Variants in PCDHGA2 observed in about 807,000 individuals in gnomAD.
The protein encoded by PCDHGA2 is protocadherin gamma-A2.
In PCDHGA2, 40 loss-of-function variants were observed where a neutral mutation model predicts 59.2. The observed-to-expected ratio is 0.68, with a 90% CI of 0.52 to 0.88. PCDHGA2 has a LOEUF of 0.88. Ranked by LOEUF, PCDHGA2 falls within the 40% of genes least tolerant of loss-of-function variation. The pLI is 0.00. For synonymous variants in PCDHGA2, 560 were observed against 526.0 expected (o/e 1.06, Z -0.89); for missense variants, 1,226 against 1,204.0 (o/e 1.02, Z -0.27).
At chr5:141,377,657 C>T (rs946526132) in intron 1 of PCDHGA2, 5 of 151,160 alleles carry the variant, frequency 3.3e-5, no homozygotes, top group East Asian at 1.9e-4. Flanking sequence ...TAACTATAAA[C>T]GACAGACGTT....
chr5:141,474,685 T>G (rs1562045980), intron 1 of PCDHGA2, among the ~76,000 whole-genome samples: 1 of 152,224 alleles, frequency 6.6e-6, no homozygotes, highest in Non-Finnish European at 1.5e-5. Flanking sequence ...GCCTACCCCT[T>G]CACTTATGTT....
intron 1 of PCDHGA2, among the ~76,000 whole-genome samples, chr5:141,425,919 G>A (rs11167745): frequency 2.0e-5 from 3 of 152,174 alleles, no homozygotes; most frequent in East Asian, 1.9e-4. Flanking sequence ...CAGTCACTAC[G>A]AAAACTCATA....
chr5:141,346,240 C>T, intron 1 of PCDHGA2: 2 of 1,614,204 alleles, frequency 1.2e-6, no homozygotes, highest in Non-Finnish European at 1.7e-6. Flanking sequence ...GCGAGTACGC[C>T]CGGCTCGCAC....
chr5:141,370,336 G>A, intron 1 of PCDHGA2: 1 of 1,441,770 alleles, frequency 6.9e-7, no homozygotes, highest in Non-Finnish European at 9.4e-7. Flanking sequence ...GAGAACTCTT[G>A]GGATTATTTA....
chr5:141,371,107 A>G (rs202073589), intron 1 of PCDHGA2: 391 of 1,613,532 alleles, frequency 2.4e-4, no homozygotes, highest in Non-Finnish European at 3.2e-4. Flanking sequence ...GCAAATGATA[A>G]CCCCCCAGTA....
chr5:141,357,544 CG>C (rs1561515163), intron 1 of PCDHGA2: 1 of 1,614,176 alleles, frequency 6.2e-7, no homozygotes, highest in Non-Finnish European at 8.5e-7. Flanking sequence ...GCTCATCAGC[CG>C]GGAGAGTTGT....
intron 1 of PCDHGA2, among the ~76,000 whole-genome samples, chr5:141,430,341 C>T (rs766664177): frequency 1.4e-4 from 21 of 149,938 alleles, no homozygotes; most frequent in Non-Finnish European, 2.8e-4. Context: ...TAGAAACTTC[C>T]AATTCATTTA....
At chr5:141,402,827 G>C in intron 1 of PCDHGA2, 10 of 1,330,136 alleles carry the variant, frequency 7.5e-6, no homozygotes, top group Non-Finnish European at 9.9e-6. Context: ...CTGCTCCCAG[G>C]CTGCAGCAAA....
rs2099641707 is a variant in PCDHGA2 at position 141,487,238 on chromosome 5, C to T, written c.2425-7569C>T. 1.2e-6 allele frequency: 2 copies of T among 1,614,056 alleles called. No individual in the cohort carries two copies. The highest frequency in any genetic ancestry group is 1.7e-6 in the Non-Finnish European group (2 of 1,180,022). On this transcript the variant is annotated intron_variant, in intron 1 of 3. Transcript: ENST00000394576. This position sits in a 1 kb window ranked among gnomAD's most constrained non-coding sequence, Gnocchi z 5.0. ...AGCTCCAAGGGAAGGAGAATCTCGT[C>T]TAACCCTCTACTTGGCTGTGTCCCT...
intron 1 of PCDHGA2, among the ~76,000 whole-genome samples, chr5:141,381,018 ATTAG>A (rs1442442460): frequency 4.6e-5 from 7 of 152,398 alleles, no homozygotes; most frequent in Admixed American, 1.3e-4. Context: ...TAATACCTCT[ATTAG>A]TTCCTTTAAA....
At chr5:141,366,292 G>A (rs1449441048) in intron 1 of PCDHGA2, 3 of 1,613,732 alleles carry the variant, frequency 1.9e-6, no homozygotes, top group East Asian at 4.5e-5. Context: ...AGCCCCCTCT[G>A]TCAGCCACCT....
chr5:141,341,653 A>T, intron 1 of PCDHGA2: 1 of 673,492 alleles, frequency 1.5e-6, no homozygotes, highest in Admixed American at 3.3e-5. Flanking sequence ...TGCATTAGGA[A>T]CTAGGGTGTC....
intron 1 of PCDHGA2, chr5:141,409,901 C>T (rs1157563397): frequency 6.2e-7 from 1 of 1,613,264 alleles, no homozygotes; most frequent in East Asian, 2.2e-5. Flanking sequence ...GTACCCAGCT[C>T]TGGGTCCTGA....
At chr5:141,492,703 G>A (rs2099743198) in intron 1 of PCDHGA2, among the ~76,000 whole-genome samples, 1 of 152,246 alleles carries the variant, frequency 6.6e-6, no homozygotes, top group Non-Finnish European at 1.5e-5. Flanking sequence ...CAACCCAGAA[G>A]CCTCGAGCAG....
rs1193457334 is a variant in PCDHGA2 at position 141,375,486 on chromosome 5, G to T, written c.2424+34091G>T. The T allele has an allele frequency of 5.0e-6, 8 of 1,613,914 alleles. No homozygotes were observed. Among genetic ancestry groups the T allele is most frequent in the Non-Finnish European group, 6.8e-6 (8 of 1,179,980 alleles). ...TATGTCCTTGAAAACAACCCCAGGG[G>T]TGCCTCCATCTTCTCTGTGAATGCA... is the stretch of plus-strand genomic sequence containing the variant. On this transcript the variant is annotated intron_variant, in intron 1 of 3. Coordinates refer to ENST00000394576, the MANE Select transcript of PCDHGA2 (RefSeq NM_018915.4).
rs2097536640 is a variant in PCDHGA2 at position 141,432,779 on chromosome 5, G to C, written c.2425-62028G>C. 3 of 1,614,170 alleles carry C rather than the reference G, an allele frequency of 1.9e-6. No individual in the cohort carries two copies. The highest frequency in any genetic ancestry group is 2.5e-6 in the Non-Finnish European group (3 of 1,180,002). On this transcript the variant is annotated intron_variant, in intron 1 of 3. Coordinates refer to ENST00000394576, the MANE Select transcript of PCDHGA2 (RefSeq NM_018915.4). The surrounding 1 kb of genome is among the most constrained non-coding windows in gnomAD (Gnocchi z 6.0). Reference sequence around the variant, plus strand: ...CGACAGCATCCCCCAAGTCCTGGCGGACCTCGGCAGCCTCGAGTCTCCAGC... The same window carrying C: ...CGACAGCATCCCCCAAGTCCTGGCGCACCTCGGCAGCCTCGAGTCTCCAGC...
chr5:141,444,589 C>A (rs1198742574), intron 1 of PCDHGA2, among the ~76,000 whole-genome samples: 1 of 152,068 alleles, frequency 6.6e-6, no homozygotes, highest in Non-Finnish European at 1.5e-5. Context: ...TTTCTACTTA[C>A]CTTATTTAAA....
Position 141,491,886 on chromosome 5 carries a change from G to A in PCDHGA2, c.2425-2921G>A. On this transcript the variant is annotated intron_variant, in intron 1 of 3. Coordinates refer to ENST00000394576, the MANE Select transcript of PCDHGA2 (RefSeq NM_018915.4). The surrounding 1 kb of genome is among the most constrained non-coding windows in gnomAD (Gnocchi z 6.9). ...CCAGAGTGGCCGATTAAGGGATGGG[G>A]CTCCGAGCACCGGGGGTGGTGGCGA... 6.9e-7 allele frequency: 1 copy of A among 1,445,558 alleles called. No individual in the cohort carries two copies. Among genetic ancestry groups the A allele is most frequent in the Non-Finnish European group, 9.1e-7 (1 of 1,093,458 alleles). 89.5% of individuals were successfully genotyped at this position (1,445,558 alleles called of 1,614,324 possible). A position where few individuals can be genotyped will look rare whatever the true frequency, so the allele number is the denominator to read the frequency against.
Position 141,486,683 on chromosome 5 carries a change from G to C in PCDHGA2, c.2425-8124G>C, listed in dbSNP as rs1207359772. 6.2e-7 allele frequency: 1 copy of C among 1,613,974 alleles called. No individual in the cohort carries two copies. ...GGAGCCCAGGAATCGAGATGTATCA[G>C]CTTCCTCTTTCATCTCTCTGAACCC... On this transcript the variant is annotated intron_variant, in intron 1 of 3. Coordinates refer to ENST00000394576, the MANE Select transcript of PCDHGA2 (RefSeq NM_018915.4). This position sits in a 1 kb window ranked among gnomAD's most constrained non-coding sequence, Gnocchi z 5.0.
Sources: gnomAD v4.1 joint callset for allele counts (sites outside exome capture counted in the v4.1 genomes callset) on GRCh38, gnomAD v4.1.1 for gene constraint, Gnocchi (gnomAD v3.1) non-coding constraint, MANE v1.5 for transcripts, NCBI Gene and HGNC (gene_info 2026-07-23, HGNC 2026-07-21) for gene names.